HAUS1: variants seen among roughly 807,000 people sequenced by gnomAD.
HAUS1 encodes the protein HAUS augmin-like complex subunit 1.
A neutral mutation model predicts 38.6 loss-of-function variants in HAUS1; 25 were observed. The observed-to-expected ratio is 0.65, with a 90% CI of 0.47 to 0.91. The LOEUF is 0.91. Among genes scored for constraint, HAUS1 ranks in the 40% least tolerant of loss-of-function variants. The pLI is 0.00. For missense variants in HAUS1, 325 were observed against 328.4 expected (o/e 0.99, Z 0.08); for synonymous variants, 109 against 112.9 (o/e 0.97, Z 0.22).
At position 46,110,333 on chromosome 18, in the gene HAUS1, G is replaced by GTTTTTTTTTTT. The variant is rs71160713; in HGVS notation, c.205+4984_205+4994dup. On this transcript the variant is annotated intron_variant, in intron 2 of 8. Coordinates refer to ENST00000282058, the MANE Select transcript of HAUS1 (RefSeq NM_138443.4). ...ACCATGCCCAGCTTATTTTTTTAAG[G>GTTTTTTTTTTT]TTTTTTTTTTTTTTTTTTTTTTTTT... Among the ~76,000 whole-genome samples, 7 of 49,994 alleles carry GTTTTTTTTTTT rather than the reference G, an allele frequency of 1.4e-4. 1 individual carries two copies. Among genetic ancestry groups the GTTTTTTTTTTT allele is most frequent in the Non-Finnish European group, 2.1e-4 (6 of 28,644 alleles). The allele number at this position is 49,994 out of a possible 152,430, so 32.8% of individuals were successfully genotyped here.
At chr18:46,117,829 C>A (rs1181351745) in intron 2 of HAUS1, among the ~76,000 whole-genome samples, 1 of 151,796 alleles carries the variant, frequency 6.6e-6, no homozygotes, top group Non-Finnish European at 1.5e-5. Context: ...GCCTGTAATC[C>A]CAGTTACTCA....
At chr18:46,121,166 TTTTA>T (rs1248398774) in intron 4 of HAUS1, among the ~76,000 whole-genome samples, 2 of 152,180 alleles carry the variant, frequency 1.3e-5, no homozygotes, top group East Asian at 1.9e-4. Context: ...TCACGTTTAT[TTTTA>T]TTTATTTATT....
In HAUS1 at chr18:46,116,092, C is replaced by T. The variant is rs540781588; in HGVS notation, c.206-2089C>T. Among the ~76,000 whole-genome samples the T allele has an allele frequency of 4.8e-3, 691 of 143,254 alleles. 4 individuals carry two copies. The highest frequency in any genetic ancestry group is 7.9e-3 in the Non-Finnish European group (523 of 66,602). The allele number at this position is 143,254 out of a possible 152,430, so 94.0% of individuals were successfully genotyped here. A position where few individuals can be genotyped will look rare whatever the true frequency, so the allele number is the denominator to read the frequency against. On this transcript the variant is annotated intron_variant, in intron 2 of 8. Coordinates refer to ENST00000282058, the MANE Select transcript of HAUS1 (RefSeq NM_138443.4). ...CTGCACTCCAGCCTGAGCAACAGAG[C>T]GAGACTGTCTCAGAAAAAGGGAAGG...
At chr18:46,124,775 A>G (rs1568266958) in intron 6 of HAUS1, 47 bp from the exon 7 acceptor site, 3 of 1,007,660 alleles carry the variant, frequency 3.0e-6, no homozygotes, top group Non-Finnish European at 4.7e-6. Flanking sequence ...TATTAGTTGC[A>G]TTGTGAATGT....
At chr18:46,110,114 T>A (rs999620825) in intron 2 of HAUS1, among the ~76,000 whole-genome samples, 3 of 151,592 alleles carry the variant, frequency 2.0e-5, no homozygotes, top group African/African-American at 7.3e-5. Flanking sequence ...AGCAACAGAT[T>A]CTCTGTGGTT....
At chr18:46,117,822 T>A (rs1172708745) in intron 2 of HAUS1, among the ~76,000 whole-genome samples, 2 of 151,956 alleles carry the variant, frequency 1.3e-5, no homozygotes, top group Non-Finnish European at 2.9e-5. Context: ...GGTGGGCGCC[T>A]GTAATCCCAG....
rs1440046389 is a variant in HAUS1, at chr18:46,125,792, G to GT, written c.786+2dup. The GT allele has an allele frequency of 3.8e-6, 6 of 1,577,030 alleles. No individual in the cohort carries two copies. Among genetic ancestry groups the GT allele is most frequent in the Non-Finnish European group, 5.2e-6 (6 of 1,151,090 alleles). On this transcript the variant is annotated splice_donor_variant, in intron 8 of 8. Transcript: ENST00000282058. LOFTEE classifies it high-confidence loss of function. ...AATTGAAGAAGCAAAGCGAGAACTA[G>GT]TAAGTAGTTCCTGTAATTTTTTCAG...
chr18:46,126,484 G>C (rs974803004), intron 8 of HAUS1, among the ~76,000 whole-genome samples: 3 of 152,136 alleles, frequency 2.0e-5, no homozygotes, highest in African/African-American at 7.2e-5. Flanking sequence ...GTAAGATAAA[G>C]TTGGAAAAGG....
intron 4 of HAUS1, among the ~76,000 whole-genome samples, chr18:46,121,079 T>C (rs1469764301): frequency 6.6e-6 from 1 of 152,240 alleles, no homozygotes; most frequent in African/African-American, 2.4e-5. Flanking sequence ...CAGGAGTATG[T>C]GTATATATGC....
chr18:46,110,006 TAC>T (rs1911576304), intron 2 of HAUS1, among the ~76,000 whole-genome samples: 1 of 152,052 alleles, frequency 6.6e-6, no homozygotes, highest in South Asian at 2.1e-4. Flanking sequence ...TACCATTACT[TAC>T]AGTCTTTGTT....
intron 2 of HAUS1, among the ~76,000 whole-genome samples, chr18:46,114,473 T>G (rs35338711): frequency 0.16 from 24,902 of 152,056 alleles, 2,864 homozygotes; most frequent in East Asian, 0.39. Context: ...GCGGCAGCCT[T>G]AGGTCCTCTT....
chr18:46,104,820 G>A (rs933063328), intron 1 of HAUS1, among the ~76,000 whole-genome samples: 6 of 152,228 alleles, frequency 3.9e-5, no homozygotes, highest in Non-Finnish European at 7.3e-5. Flanking sequence ...GCGCGGCGGG[G>A]CTTCTGGTGA....
intron 8 of HAUS1, among the ~76,000 whole-genome samples, chr18:46,127,163 G>T (rs1912133338): frequency 6.6e-6 from 1 of 150,986 alleles, no homozygotes; most frequent in Non-Finnish European, 1.5e-5. Context: ...GTAGAGACGG[G>T]GTTTCACCAT....
At chr18:46,114,057 G>A (rs1315584619) in intron 2 of HAUS1, among the ~76,000 whole-genome samples, 1 of 152,186 alleles carries the variant, frequency 6.6e-6, no homozygotes, top group Non-Finnish European at 1.5e-5. Flanking sequence ...GGCATAAACT[G>A]CTCTACGAGC....
At chr18:46,123,802 T>C (rs1255518706) in intron 6 of HAUS1, among the ~76,000 whole-genome samples, 1 of 152,244 alleles carries the variant, frequency 6.6e-6, no homozygotes, top group African/African-American at 2.4e-5. Context: ...GGTTTTGTTT[T>C]GTTTTATTAT....
intron 4 of HAUS1, chr18:46,121,688 C>T (rs1024654404): frequency 3.9e-5 from 6 of 151,970 alleles, no homozygotes; most frequent in African/African-American, 1.4e-4. Context: ...CTGTGTCGTT[C>T]TAATTTTAGT....
intron 2 of HAUS1, among the ~76,000 whole-genome samples, chr18:46,114,678 A>G (rs1911756569): frequency 6.6e-6 from 1 of 152,114 alleles, no homozygotes; most frequent in Non-Finnish European, 1.5e-5. Context: ...GAAAAACACT[A>G]AAGTCTTGCT....
intron 8 of HAUS1, among the ~76,000 whole-genome samples, chr18:46,127,164 G>T (rs927385300): frequency 2.6e-5 from 4 of 151,342 alleles, no homozygotes; most frequent in Non-Finnish European, 4.4e-5. Flanking sequence ...TAGAGACGGG[G>T]TTTCACCATG....
intron 2 of HAUS1, among the ~76,000 whole-genome samples, chr18:46,112,972 C>CAT (rs1911695643): frequency 1.4e-5 from 1 of 72,388 alleles, no homozygotes; most frequent in African/African-American, 7.6e-5. Flanking sequence ...GTATATATTC[C>CAT]ATATTATATA....
Sources: gnomAD v4.1 joint callset for allele counts (sites outside exome capture counted in the v4.1 genomes callset) on GRCh38, gnomAD v4.1.1 for gene constraint, MANE v1.5 for transcripts, NCBI Gene and HGNC (gene_info 2026-07-23, HGNC 2026-07-21) for gene names.